KCTD8: variants seen among roughly 807,000 people sequenced by gnomAD.
KCTD8 encodes potassium channel tetramerization domain containing 8, also known as BTB/POZ domain-containing protein KCTD8.
Under a neutral mutation model 31.5 loss-of-function variants are expected in KCTD8, and 27 were observed. The ratio of observed to expected loss-of-function variants is 0.86; its 90% CI spans 0.63 to 1.18. KCTD8 has a LOEUF of 1.18. Ranked by LOEUF, KCTD8 falls within the 50% of genes most tolerant of loss-of-function variation. The pLI, the probability that KCTD8 is intolerant of heterozygous loss-of-function variation, is 0.00. For missense variants in KCTD8, 658 were observed against 647.7 expected (o/e 1.02, Z -0.17); for synonymous variants, 290 against 280.0 (o/e 1.04, Z -0.36).
intron 1 of KCTD8, among the ~76,000 whole-genome samples, chr4:44,249,761 TTCTC>T (rs918285100): frequency 6.6e-5 from 10 of 151,634 alleles, no homozygotes; most frequent in Middle Eastern, 3.2e-3. Flanking sequence ...CTCCCTTTCC[TTCTC>T]TCTCTTTCCT....
intron 1 of KCTD8, among the ~76,000 whole-genome samples, chr4:44,247,836 C>A (rs1715711330): frequency 1.3e-5 from 2 of 151,770 alleles, no homozygotes; most frequent in Non-Finnish European, 2.9e-5. Context: ...GCATATATAT[C>A]TCACATTTTC....
intron 1 of KCTD8, among the ~76,000 whole-genome samples, chr4:44,280,744 T>C (rs944503997): frequency 7.2e-5 from 11 of 152,086 alleles, no homozygotes; most frequent in Admixed American, 2.0e-4. Context: ...TATGATCCTA[T>C]AGCACTTGGC....
At chr4:44,263,766 A>C (rs1716251350) in intron 1 of KCTD8, among the ~76,000 whole-genome samples, 1 of 152,184 alleles carries the variant, frequency 6.6e-6, no homozygotes, top group Admixed American at 6.5e-5. Flanking sequence ...CTGAGATAGG[A>C]AGTAGAAACA....
At chr4:44,193,986 G>A (rs1027931259) in intron 1 of KCTD8, among the ~76,000 whole-genome samples, 1 of 152,068 alleles carries the variant, frequency 6.6e-6, no homozygotes, top group Non-Finnish European at 1.5e-5. Context: ...GATGTAGAGG[G>A]AATATAACAG....
chr4:44,266,771 C>A (rs899340578), intron 1 of KCTD8, among the ~76,000 whole-genome samples: 1 of 152,024 alleles, frequency 6.6e-6, no homozygotes, highest in South Asian at 2.1e-4. Flanking sequence ...AGGCTTTAAA[C>A]CAACAAAGAT....
chr4:44,301,741 T>G (rs1717630193), intron 1 of KCTD8, among the ~76,000 whole-genome samples: 1 of 152,206 alleles, frequency 6.6e-6, no homozygotes, highest in South Asian at 2.1e-4. Flanking sequence ...ATTTGTCAAT[T>G]TTGGCTTTTG....
intron 1 of KCTD8, among the ~76,000 whole-genome samples, chr4:44,284,307 G>T (rs1577593136): frequency 6.6e-6 from 1 of 152,102 alleles, no homozygotes; most frequent in Non-Finnish European, 1.5e-5. Context: ...CAGAACAGAA[G>T]CCTCAGAAAT....
In KCTD8 at chr4:44,218,539, T is replaced by C. The variant is rs74704345; in HGVS notation, c.962-43289A>G. The stretch of plus-strand genomic sequence containing the variant: ...GTGCTTATTTCACATTGCATGCCTG[T>C]ATCAAAACATCTCATGTAACCCATA... On this transcript the variant is annotated intron_variant, in intron 1 of 1. Coordinates refer to ENST00000360029, the MANE Select transcript of KCTD8 (RefSeq NM_198353.3). Among the ~76,000 whole-genome samples the C allele has an allele frequency of 1.7e-4, 25 of 150,780 alleles. No individual in the cohort carries two copies. In the East Asian group the frequency reaches 4.5e-3, roughly 27 times the overall value.
intron 1 of KCTD8, among the ~76,000 whole-genome samples, chr4:44,294,160 A>G: frequency 6.6e-6 from 1 of 152,190 alleles, no homozygotes. Flanking sequence ...GTTCTCTATA[A>G]ATATACAAAG....
chr4:44,443,099 A>C (rs1384296256), intron 1 of KCTD8, among the ~76,000 whole-genome samples: 1 of 152,236 alleles, frequency 6.6e-6, no homozygotes, highest in East Asian at 1.9e-4. Flanking sequence ...AACTAGCTAC[A>C]TTAAATCAGA....
chr4:44,446,112 T>C (rs1178512885), intron 1 of KCTD8, among the ~76,000 whole-genome samples: 2 of 152,198 alleles, frequency 1.3e-5, no homozygotes, highest in African/African-American at 4.8e-5. Context: ...CTTTAAAAAG[T>C]AGTCTAACTC....
Position 44,413,516 on chromosome 4 carries a change from T to C in KCTD8, c.961+34047A>G, listed in dbSNP as rs1008761098. 2.0e-5 allele frequency among the ~76,000 whole-genome samples: 3 copies of C among 152,278 alleles called. No homozygotes were observed. The South Asian group carries it at 6.2e-4, about 32-fold the overall frequency. On this transcript the variant is annotated intron_variant, in intron 1 of 1. Coordinates refer to ENST00000360029, the MANE Select transcript of KCTD8 (RefSeq NM_198353.3). ...AGCCGCTAAGAGTTGAACTCCTAAA[T>C]TTAACACATAAATGATAAAATGAGC... is the stretch of plus-strand genomic sequence containing the variant.
chr4:44,413,446 T>G (rs1721003900), intron 1 of KCTD8, among the ~76,000 whole-genome samples: 1 of 152,174 alleles, frequency 6.6e-6, no homozygotes, highest in African/African-American at 2.4e-5. Context: ...ACATCCCTGT[T>G]ATCTATTATT....
chr4:44,202,982 T>G (rs1714194990), intron 1 of KCTD8, among the ~76,000 whole-genome samples: 1 of 152,106 alleles, frequency 6.6e-6, no homozygotes, highest in South Asian at 2.1e-4. Flanking sequence ...AAGCCTTATC[T>G]TTTAGTACTT....
At chr4:44,334,924 A>G (rs1199175257) in intron 1 of KCTD8, among the ~76,000 whole-genome samples, 1 of 152,144 alleles carries the variant, frequency 6.6e-6, no homozygotes, top group African/African-American at 2.4e-5. Context: ...ACCTCTCAAC[A>G]TTTATTGAAC....
intron 1 of KCTD8, among the ~76,000 whole-genome samples, chr4:44,374,954 G>A (rs1028210264): frequency 1.3e-5 from 2 of 152,074 alleles, no homozygotes; most frequent in Non-Finnish European, 2.9e-5. Context: ...TGCTAAGATT[G>A]TTTGATACAA....
At chr4:44,219,241 C>T (rs1057484429) in intron 1 of KCTD8, among the ~76,000 whole-genome samples, 4 of 152,142 alleles carry the variant, frequency 2.6e-5, no homozygotes, top group South Asian at 2.1e-4. Context: ...AGTGACAACA[C>T]GAAACAAAAA....
intron 1 of KCTD8, chr4:44,293,391 G>C (rs1213888130): frequency 6.6e-6 from 3 of 452,148 alleles, no homozygotes; most frequent in East Asian, 1.4e-4. Flanking sequence ...TTAATGGAGA[G>C]TATTAACCTT....
At chr4:44,209,535 A>C (rs1046815150) in intron 1 of KCTD8, among the ~76,000 whole-genome samples, 1 of 151,386 alleles carries the variant, frequency 6.6e-6, no homozygotes, top group African/African-American at 2.4e-5. Flanking sequence ...CACACACCCC[A>C]CACACACCCC....
Sources: allele counts gnomAD v4.1 joint callset (sites outside exome capture counted in the v4.1 genomes callset), GRCh38; gene constraint gnomAD v4.1.1; transcripts MANE v1.5; gene names NCBI Gene and HGNC (gene_info 2026-07-23, HGNC 2026-07-21).